PPL: variants seen among roughly 807,000 people sequenced by gnomAD.
PPL encodes 190 kDa paraneoplastic pemphigus antigen.
PPL carries 198 observed loss-of-function variants against 194.4 expected under a neutral mutation model. The observed-to-expected ratio is 1.02, with a 90% confidence interval of 0.91 to 1.15. The LOEUF (loss-of-function observed/expected upper bound fraction) is 1.15. Among genes scored for constraint, PPL ranks in the 50% most tolerant of loss-of-function variants. The probability of loss-of-function intolerance (pLI) is 0.00; values close to 1 mark genes in which losing one functional copy is unlikely to be tolerated. For missense variants in PPL, 2,885 were observed against 2,294.8 expected, an observed-to-expected ratio of 1.26 and a Z score of -5.25; for synonymous variants, 1,220 against 972.4, an observed-to-expected ratio of 1.25 and a Z score of -4.74.
In PPL at chr16:4,884,136, C is replaced by T. The variant is rs949348295; in HGVS notation, c.4519G>A (p.Val1507Met). Residue 1507 changes from valine to methionine, a missense_variant, in exon 22 of 22, where the codon GTG (valine) becomes ATG (methionine). By Grantham distance (21) the Val-to-Met change is conservative. Transcript: ENST00000345988. This position sits in a 1 kb window ranked among gnomAD's most constrained non-coding sequence, Gnocchi z 5.7. ...EKVVLSESVQ[V>M]EKGDTEQEIQ... ...TCTTGCTCGGTGTCGCCCTTCTCCACCTGGACACTCTCGGAGAGCACCACC... is the reference window on the plus strand; with the variant it reads ...TCTTGCTCGGTGTCGCCCTTCTCCATCTGGACACTCTCGGAGAGCACCACC... The T allele has an allele frequency of 3.1e-6, 5 of 1,613,490 alleles. No homozygotes were observed. Among genetic ancestry groups the T allele is most frequent in the Non-Finnish European group, 4.2e-6 (5 of 1,179,994 alleles).
rs1013316020 is a variant in PPL, at chr16:4,902,974, C to A, written c.318-448G>T. 2.0e-5 allele frequency among the ~76,000 whole-genome samples: 3 copies of A among 152,132 alleles called. No individual in the cohort carries two copies. The highest frequency in any genetic ancestry group is 2.9e-5 in the Non-Finnish European group (2 of 68,018). ...GAAGTGCTGGGATCACAGGCGTGAG[C>A]CACCGTGCCTGGCCCCACCCACTTT... On this transcript the variant is annotated intron_variant, in intron 3 of 21. Transcript: ENST00000345988. The surrounding 1 kb of genome is among the most constrained non-coding windows in gnomAD (Gnocchi z 4.0).
In PPL at chr16:4,935,758, G is replaced by C. The variant is rs1295279185; in HGVS notation, c.62+1226C>G. 5.3e-5 allele frequency among the ~76,000 whole-genome samples: 8 copies of C among 152,348 alleles called. No individual in the cohort carries two copies. The East Asian group carries it at 1.5e-3, about 29-fold the overall frequency. ...CCGCCTGCACCTGTCCGACTGGTCG[G>C]CCTAGGCCGGACTGCAGGGGTTGAG... On this transcript the variant is annotated intron_variant, in intron 1 of 21. Coordinates refer to ENST00000345988, the MANE Select transcript of PPL (RefSeq NM_002705.5).
chr16:4,928,428 G>A lies in PPL; in HGVS notation c.62+8556C>T, dbSNP rs1020906529. On this transcript the variant is annotated intron_variant, in intron 1 of 21. Coordinates refer to ENST00000345988, the MANE Select transcript of PPL (RefSeq NM_002705.5). Reference sequence around the variant, plus strand: ...GCTGGCAGGGTGTCCTGGCCGCCCCGCCCATCCTTTCCTAGGCAGAGGGTT... The same window carrying A: ...GCTGGCAGGGTGTCCTGGCCGCCCCACCCATCCTTTCCTAGGCAGAGGGTT... 3.3e-5 allele frequency among the ~76,000 whole-genome samples: 5 copies of A among 152,144 alleles called. No individual in the cohort carries two copies. The East Asian group carries it at 7.7e-4, about 23-fold the overall frequency.
rs1191666432 is a variant in PPL at position 4,902,205 on chromosome 16, G to A, written c.438+201C>T. Among the ~76,000 whole-genome samples, 7 of 152,162 alleles carry A rather than the reference G, an allele frequency of 4.6e-5. No individual in the cohort carries two copies. The highest frequency in any genetic ancestry group is 1.2e-4 in the African/African-American group (5 of 41,450). ...AGGGGACAGAGTCCGAATCTCCACC[G>A]CTTGAGCTGTGTGACCCTGACTTCG... On this transcript the variant is annotated intron_variant, in intron 4 of 21. Transcript: ENST00000345988. This position sits in a 1 kb window ranked among gnomAD's most constrained non-coding sequence, Gnocchi z 4.0.
chr16:4,923,607 C>G (rs1046448717), intron 1 of PPL, among the ~76,000 whole-genome samples: 6 of 152,202 alleles, frequency 3.9e-5, no homozygotes, highest in Non-Finnish European at 8.8e-5. Context: ...ACCCTGCCTG[C>G]AGGGGAGGAA....
Position 4,932,462 on chromosome 16 carries a change from T to C in PPL, c.62+4522A>G, listed in dbSNP as rs1596593490. 2.0e-5 allele frequency among the ~76,000 whole-genome samples: 3 copies of C among 150,710 alleles called. No homozygotes were observed. The South Asian group carries it at 6.3e-4, about 32-fold the overall frequency. On this transcript the variant is annotated intron_variant, in intron 1 of 21. Transcript: ENST00000345988. ...TCTCGCTCTGTCTCCCAGGCTGGAG[T>C]GCAGTGGTGTGATCTCGGCTCACTG... is the stretch of plus-strand genomic sequence containing the variant.
intron 1 of PPL, among the ~76,000 whole-genome samples, chr16:4,917,068 G>A (rs1768280304): frequency 6.6e-6 from 1 of 151,968 alleles, no homozygotes; most frequent in Non-Finnish European, 1.5e-5. Flanking sequence ...GGAGGCGGAG[G>A]TTGCAATGAG....
intron 1 of PPL, among the ~76,000 whole-genome samples, chr16:4,919,954 T>C (rs1280969872): frequency 6.6e-6 from 1 of 151,210 alleles, no homozygotes; most frequent in Non-Finnish European, 1.5e-5. Flanking sequence ...AAAAAAAGTG[T>C]ATTTGTGGGG....
At chr16:4,912,924 T>A (rs2088847806) in intron 1 of PPL, among the ~76,000 whole-genome samples, 1 of 152,066 alleles carries the variant, frequency 6.6e-6, no homozygotes, top group African/African-American at 2.4e-5. Context: ...GCCAACATGG[T>A]GAAACCCCAT....
intron 1 of PPL, among the ~76,000 whole-genome samples, chr16:4,931,698 C>T (rs1249319506): frequency 6.6e-6 from 1 of 152,212 alleles, no homozygotes; most frequent in African/African-American, 2.4e-5. Flanking sequence ...TGGAAGCTCT[C>T]TAAAGCAGCT....
chr16:4,911,067 C>T (rs980054499), intron 1 of PPL, 118 bp from the exon 2 acceptor site: 2 of 764,270 alleles, frequency 2.6e-6, no homozygotes, highest in Middle Eastern at 3.7e-4. Context: ...GAGCTGCCCA[C>T]AGAGCCTTTG....
At chr16:4,906,491 C>T (rs1179074312) in intron 2 of PPL, among the ~76,000 whole-genome samples, 1 of 152,190 alleles carries the variant, frequency 6.6e-6, no homozygotes, top group African/African-American at 2.4e-5. Flanking sequence ...TCCCAAAGTT[C>T]TGGGATTACA....
At chr16:4,900,431 C>T (rs1188559716) in intron 6 of PPL, among the ~76,000 whole-genome samples, 12 of 37,666 alleles carry the variant, frequency 3.2e-4, no homozygotes, top group African/African-American at 5.3e-4. Flanking sequence ...GTTTACTGCA[C>T]GCCTTTTTTT....
In PPL at chr16:4,890,297, G is replaced by A; in HGVS notation, c.2200C>T (p.His734Tyr). 6.2e-7 allele frequency: 1 copy of A among 1,614,108 alleles called. No homozygotes were observed. Among genetic ancestry groups the A allele is most frequent in the East Asian group, 2.2e-5 (1 of 44,882 alleles). Residue 734 changes from histidine to tyrosine, a missense_variant, in exon 18 of 22, where the codon CAC becomes TAC. Transcript: ENST00000345988. ...ACGTGGTCATGGCCGCGGTGGAAGT[G>A]CTCGTAGGCTGCCTTGGCGCTCTGT... ...SLQSAKAAYE[H>Y]FHRGHDHVLQ...
At chr16:4,896,406 G>A (rs1467741778) in intron 9 of PPL, among the ~76,000 whole-genome samples, 2 of 152,172 alleles carry the variant, frequency 1.3e-5, no homozygotes, top group African/African-American at 4.8e-5. Flanking sequence ...GCCATAAAAA[G>A]GGGTGAAGCA....
rs1218582869 is a variant in PPL, at chr16:4,883,805, C to T, written c.4850G>A (p.Arg1617Lys). 2 of 1,614,158 alleles carry T rather than the reference C, an allele frequency of 1.2e-6. No homozygotes were observed. The highest frequency in any genetic ancestry group is 2.2e-5 in the South Asian group (2 of 91,086). ...NHDSRLWSLE[R>K]ELDDLKRLSK... ...GAGCCTCTTGAGGTCATCCAGTTCC[C>T]TCTCCAGGGACCACAGTCTGGAGTC... Residue 1617 changes from arginine (R) to lysine (K), a missense_variant, in exon 22 of 22, where the codon AGG becomes AAG. Transcript: ENST00000345988. This position sits in a 1 kb window ranked among gnomAD's most constrained non-coding sequence, Gnocchi z 4.8.
intron 1 of PPL, among the ~76,000 whole-genome samples, chr16:4,932,388 C>A (rs1037275538): frequency 7.9e-5 from 12 of 151,768 alleles, no homozygotes; most frequent in Admixed American, 3.3e-4. Context: ...CTGGTCAGCT[C>A]TGGGCTTGGC....
chr16:4,935,886 C>G (rs2089291219), intron 1 of PPL, among the ~76,000 whole-genome samples: 2 of 152,142 alleles, frequency 1.3e-5, no homozygotes, highest in Non-Finnish European at 2.9e-5. Flanking sequence ...GGGGGCAGAA[C>G]TCCCAGACAG....
In PPL at chr16:4,890,271, C is replaced by G. The variant is rs775633794; in HGVS notation, c.2226G>C (p.Val742=). Residue 742 remains valine, a synonymous_variant, in exon 18 of 22, where the codon GTG becomes GTC. Coordinates refer to ENST00000345988, the MANE Select transcript of PPL (RefSeq NM_002705.5). ...YEHFHRGHDH[V]LQFLVSIPSY... ...TGGGGATGCTGACTAGGAACTGCAG[C>G]ACGTGGTCATGGCCGCGGTGGAAGT... is the stretch of plus-strand genomic sequence containing the variant. The G allele has an allele frequency of 6.2e-7, 1 of 1,614,208 alleles. No homozygotes were observed. The highest frequency in any genetic ancestry group is 8.5e-7 in the Non-Finnish European group (1 of 1,180,032).
Sources: gnomAD v4.1 joint callset for allele counts (sites outside exome capture counted in the v4.1 genomes callset) on GRCh38, gnomAD v4.1.1 for gene constraint, Gnocchi (gnomAD v3.1) non-coding constraint, MANE v1.5 for transcripts, NCBI Gene and HGNC (gene_info 2026-07-23, HGNC 2026-07-21) for gene names.